TMEM143: variants seen among roughly 807,000 people sequenced by gnomAD.
TMEM143 encodes transmembrane protein 143.
A neutral mutation model predicts 40.3 loss-of-function variants in TMEM143; 45 were observed. The ratio of observed to expected loss-of-function variants is 1.12; its 90% CI spans 0.88 to 1.43. The LOEUF is 1.43. TMEM143 is among the 40% of genes most tolerant of loss of function. The pLI, the probability that TMEM143 is intolerant of heterozygous loss-of-function variation, is 0.00. For synonymous variants in TMEM143, 299 were observed against 282.7 expected, an observed-to-expected ratio of 1.06 and a Z score of -0.58; for missense variants, 620 against 613.4, an observed-to-expected ratio of 1.01 and a Z score of -0.11.
chr19:48,351,458 G>A (rs932915124), intron 3 of TMEM143, among the ~76,000 whole-genome samples: 1 of 152,078 alleles, frequency 6.6e-6, no homozygotes, highest in Non-Finnish European at 1.5e-5. Context: ...ACCAGAGGGC[G>A]CCAGTTTGCA....
intron 2 of TMEM143, among the ~76,000 whole-genome samples, chr19:48,360,744 A>G (rs1276660999): frequency 1.3e-5 from 2 of 152,024 alleles, no homozygotes; most frequent in African/African-American, 2.4e-5. Flanking sequence ...AATTCCAGGA[A>G]CGGTTTGACA....
chr19:48,345,362 G>T lies in TMEM143; in HGVS notation c.370-8C>A. 6.6e-7 allele frequency: 1 copy of T among 1,519,466 alleles called. No individual in the cohort carries two copies. Among genetic ancestry groups the T allele is most frequent in the Non-Finnish European group, 8.8e-7 (1 of 1,136,594 alleles). The allele number at this position is 1,519,466 out of a possible 1,614,324, so 94.1% of individuals were successfully genotyped here. A position where few individuals can be genotyped will look rare whatever the true frequency, so the allele number is the denominator to read the frequency against. ...GATGGGGTCATATAAGGCCTAAGAGGAGAGTCAGAGAGAAAAAGATGGGAT... is the reference window on the plus strand; with the variant it reads ...GATGGGGTCATATAAGGCCTAAGAGTAGAGTCAGAGAGAAAAAGATGGGAT... On this transcript the variant is annotated splice_region_variant and splice_polypyrimidine_tract_variant and intron_variant, in intron 3 of 7. Coordinates refer to ENST00000293261, the MANE Select transcript of TMEM143 (RefSeq NM_018273.4).
In TMEM143 at chr19:48,333,911, T is replaced by C; in HGVS notation, c.1165+97A>G. ...GGGGTCTCTTCGCAAACCCGTCAGG[T>C]TCACCCGTGGGAACTGGGGGTGGGG... On this transcript the variant is annotated intron_variant, in intron 7 of 7. Coordinates refer to ENST00000293261, the MANE Select transcript of TMEM143 (RefSeq NM_018273.4). The surrounding 1 kb of genome is among the most constrained non-coding windows in gnomAD (Gnocchi z 4.1). 1 of 1,325,530 alleles carries C rather than the reference T, an allele frequency of 7.5e-7. No homozygotes were observed. The highest frequency in any genetic ancestry group is 1.5e-5 in the South Asian group (1 of 66,888). The allele number at this position is 1,325,530 out of a possible 1,614,324, so 82.1% of individuals were successfully genotyped here.
rs1173024717 is a variant in TMEM143 at position 48,345,217 on chromosome 19, C to T, written c.507G>A (p.Leu169=). 2.5e-6 allele frequency: 4 copies of T among 1,613,572 alleles called. No homozygotes were observed. The East Asian group carries it at 8.9e-5, about 36-fold the overall frequency. The change falls in exon 4 of 8, where the codon CTG becomes CTA. Residue 169 remains leucine (L), a synonymous_variant. Transcript: ENST00000293261. ...GCGCGTAGGCCAGGGTGTCCTCAGACAGCGGGGAGAAGTTGGCCTGGGCCA... is the reference window on the plus strand; with the variant it reads ...GCGCGTAGGCCAGGGTGTCCTCAGATAGCGGGGAGAAGTTGGCCTGGGCCA... ...PLLAQANFSP[L]SEDTLAYALV...
At chr19:48,334,416 CTCTTTCTTTCTT>C (rs201875941) in intron 6 of TMEM143, among the ~76,000 whole-genome samples, 10,061 of 107,566 alleles carry the variant, frequency 0.094, 423 homozygotes, top group East Asian at 0.15. Flanking sequence ...TTCTTTTTCT[CTCTTTCTTTCTT>C]TCTTTCTTTC....
In TMEM143 at chr19:48,342,620, G is replaced by C; in HGVS notation, c.885C>G (p.Asn295Lys). The C allele has an allele frequency of 1.9e-6, 3 of 1,613,890 alleles. No individual in the cohort carries two copies. Among genetic ancestry groups the C allele is most frequent in the Non-Finnish European group, 2.5e-6 (3 of 1,179,996 alleles). ...GGTCGGTTAGCACCACCATGCCCACGTTGACGAAGATCGCCACGCCGGAGA... is the reference window on the plus strand; with the variant it reads ...GGTCGGTTAGCACCACCATGCCCACCTTGACGAAGATCGCCACGCCGGAGA... The part of the protein sequence containing the change: ...LVVSGVAIFV[N>K]VGMVVLTDLK... The change falls in exon 6 of 8, where the codon AAC becomes AAG. Residue 295 changes from asparagine to lysine, a missense_variant. Coordinates refer to ENST00000293261, the MANE Select transcript of TMEM143 (RefSeq NM_018273.4).
intron 6 of TMEM143, among the ~76,000 whole-genome samples, chr19:48,340,470 C>T (rs1048978044): frequency 1.3e-5 from 2 of 151,614 alleles, no homozygotes; most frequent in African/African-American, 2.4e-5. Context: ...CACTATGTTG[C>T]CCAGGCTGGA....
intron 6 of TMEM143, among the ~76,000 whole-genome samples, chr19:48,335,023 C>G (rs1192636136): frequency 6.6e-6 from 1 of 152,188 alleles, no homozygotes; most frequent in Non-Finnish European, 1.5e-5. Flanking sequence ...CAAAGGTTTG[C>G]AGATGATAGG....
intron 4 of TMEM143, 48 bp downstream of exon 4, chr19:48,345,112 C>G: frequency 6.3e-7 from 1 of 1,592,484 alleles, no homozygotes; most frequent in Non-Finnish European, 8.6e-7. Context: ...GGCTCTGCCC[C>G]ACCCTAGAGG....
intron 2 of TMEM143, 179 bp from the exon 3 acceptor site, chr19:48,360,355 A>C (rs1338983391): frequency 6.9e-6 from 4 of 582,348 alleles, no homozygotes; most frequent in Non-Finnish European, 1.2e-5. Flanking sequence ...GAGGCAGTGG[A>C]TCACTTGAAG....
chr19:48,355,367 C>T (rs879508793), intron 3 of TMEM143, among the ~76,000 whole-genome samples: 4 of 152,098 alleles, frequency 2.6e-5, no homozygotes, highest in Non-Finnish European at 4.4e-5. Flanking sequence ...AAAAAACAAC[C>T]GTGGCTCCAG....
At chr19:48,363,093 G>C (rs1390267322) in intron 2 of TMEM143, among the ~76,000 whole-genome samples, 198 bp downstream of exon 2, 5 of 152,228 alleles carry the variant, frequency 3.3e-5, no homozygotes, top group African/African-American at 1.2e-4. Context: ...GTTGGGAATG[G>C]ATGCTGCGTC....
At chr19:48,346,580 A>G (rs953585909) in intron 3 of TMEM143, among the ~76,000 whole-genome samples, 1 of 151,346 alleles carries the variant, frequency 6.6e-6, no homozygotes, top group Non-Finnish European at 1.5e-5. Context: ...CTTTCTTTTT[A>G]TTTATTTATT....
intron 2 of TMEM143, among the ~76,000 whole-genome samples, chr19:48,362,206 T>C (rs765518399): frequency 5.3e-5 from 8 of 150,388 alleles, no homozygotes; most frequent in South Asian, 4.1e-4. Context: ...CAGCACAGAA[T>C]TGAGTACATA....
In TMEM143 at chr19:48,332,441, G is replaced by A. The variant is rs1235450156; in HGVS notation, c.*778C>T. ...ATAAATATTGCACAGGCTGCTGGTG[G>A]TGGGGAGATCCAGACCGAGGTAGTT... On this transcript the variant is annotated 3_prime_UTR_variant, in exon 8 of 8. Coordinates refer to ENST00000293261, the MANE Select transcript of TMEM143 (RefSeq NM_018273.4). 6.6e-6 allele frequency: 1 copy of A among 152,216 alleles called. No individual in the cohort carries two copies. The highest frequency in any genetic ancestry group is 2.4e-5 in the African/African-American group (1 of 41,448). 9.4% of individuals were successfully genotyped at this position (152,216 alleles called of 1,614,324 possible). A position where few individuals can be genotyped will look rare whatever the true frequency, so the allele number is the denominator to read the frequency against.
chr19:48,334,095 G>A lies in TMEM143; in HGVS notation c.1078C>T (p.Arg360Cys). The stretch of plus-strand genomic sequence containing the variant: ...TCCTTGGTGTGCTCGTCCTGCGCGC[G>A]CAGGGCCAGGGCGCTGAGCAGCTCC... ...NSELLSALAL[R>C]AQDEHTKEAL... Residue 360 changes from arginine (R) to cysteine (C), a missense_variant, in exon 7 of 8, where the codon CGC becomes TGC. By Grantham distance (180) the Arg-to-Cys change is radical. Coordinates refer to ENST00000293261, the MANE Select transcript of TMEM143 (RefSeq NM_018273.4). 1 of 1,593,442 alleles carries A rather than the reference G, an allele frequency of 6.3e-7. No homozygotes were observed. Among genetic ancestry groups the A allele is most frequent in the Non-Finnish European group, 8.5e-7 (1 of 1,171,240 alleles).
intron 3 of TMEM143, among the ~76,000 whole-genome samples, chr19:48,348,569 A>G (rs1334128440): frequency 6.6e-6 from 1 of 152,226 alleles, no homozygotes; most frequent in Non-Finnish European, 1.5e-5. Context: ...ATCATCAATG[A>G]TAATGGTGCA....
intron 3 of TMEM143, among the ~76,000 whole-genome samples, chr19:48,351,514 C>G (rs774895020): frequency 1.3e-5 from 2 of 152,142 alleles, no homozygotes; most frequent in South Asian, 2.1e-4. Context: ...GCTTAGCCAC[C>G]GACCCACTCA....
intron 6 of TMEM143, among the ~76,000 whole-genome samples, chr19:48,339,138 A>G (rs928923343): frequency 6.6e-6 from 1 of 152,084 alleles, no homozygotes; most frequent in African/African-American, 2.4e-5. Flanking sequence ...ATGGGCTGGA[A>G]GGGACCAACT....
Sources: gnomAD v4.1 joint callset for allele counts (sites outside exome capture counted in the v4.1 genomes callset) on GRCh38, gnomAD v4.1.1 for gene constraint, Gnocchi (gnomAD v3.1) non-coding constraint, MANE v1.5 for transcripts, NCBI Gene and HGNC (gene_info 2026-07-23, HGNC 2026-07-21) for gene names.